Variants in TANGO6 observed in about 807,000 individuals in gnomAD.
TANGO6 encodes the protein transport and golgi organization 6 homolog.
A neutral mutation model predicts 114.2 loss-of-function variants in TANGO6; 90 were observed. The ratio of observed to expected loss-of-function variants is 0.79; its 90% confidence interval spans 0.66 to 0.94. The LOEUF is 0.94. TANGO6 is among the 40% of genes least tolerant of loss of function. The pLI is 0.00. For synonymous variants in TANGO6, 477 were observed against 509.8 expected, an observed-to-expected ratio of 0.94 and a Z score of 0.87; for missense variants, 1,274 against 1,315.3, an observed-to-expected ratio of 0.97 and a Z score of 0.49.
At chr16:69,017,681 G>T (rs1275100175) in intron 15 of TANGO6, among the ~76,000 whole-genome samples, 1 of 152,076 alleles carries the variant, frequency 6.6e-6, no homozygotes, top group Non-Finnish European at 1.5e-5. Flanking sequence ...GGGCCTGAGA[G>T]GTCATCTTGT....
intron 11 of TANGO6, among the ~76,000 whole-genome samples, 181 bp from the exon 12 acceptor site, chr16:68,918,904 G>A (rs921370305): frequency 6.6e-6 from 1 of 151,982 alleles, no homozygotes; most frequent in African/African-American, 2.4e-5. Flanking sequence ...ATAATAAACC[G>A]GTAAATGTTT....
intron 9 of TANGO6, among the ~76,000 whole-genome samples, chr16:68,902,795 C>T (rs767069415): frequency 2.0e-5 from 3 of 152,196 alleles, no homozygotes; most frequent in Admixed American, 2.0e-4. Context: ...AAAGGGCAGA[C>T]ACATGTTCAC....
intron 14 of TANGO6, among the ~76,000 whole-genome samples, chr16:68,954,674 C>T (rs1963508192): frequency 1.3e-5 from 2 of 152,170 alleles, no homozygotes; most frequent in Admixed American, 6.5e-5. Context: ...TCATAAAATG[C>T]AATGAGAATG....
At chr16:68,879,739 C>T (rs896637825) in intron 6 of TANGO6, among the ~76,000 whole-genome samples, 1 of 150,938 alleles carries the variant, frequency 6.6e-6, no homozygotes, top group Non-Finnish European at 1.5e-5. Context: ...GCCTCAGCCT[C>T]CTGAGTAGCT....
intron 15 of TANGO6, among the ~76,000 whole-genome samples, chr16:69,006,148 G>A (rs1171224833): frequency 2.0e-5 from 3 of 152,142 alleles, no homozygotes; most frequent in Non-Finnish European, 4.4e-5. Context: ...TTGGCTGGTG[G>A]TGCAGGCAGA....
intron 16 of TANGO6, among the ~76,000 whole-genome samples, chr16:69,030,906 A>G (rs1344668591): frequency 6.6e-6 from 1 of 151,628 alleles, no homozygotes; most frequent in Non-Finnish European, 1.5e-5. Context: ...AAATACAAAA[A>G]TTAGCTGGGC....
intron 5 of TANGO6, among the ~76,000 whole-genome samples, chr16:68,876,624 C>T (rs1259804170): frequency 6.6e-6 from 1 of 151,868 alleles, no homozygotes; most frequent in Non-Finnish European, 1.5e-5. Flanking sequence ...AGTTCGAGAC[C>T]AGCCTGGCCA....
intron 17 of TANGO6, among the ~76,000 whole-genome samples, chr16:69,054,329 G>A (rs1439602895): frequency 1.3e-5 from 2 of 152,186 alleles, no homozygotes; most frequent in African/African-American, 2.4e-5. Context: ...GATGCAGAGA[G>A]TAGTAGAAGA....
chr16:69,074,258 A>G (rs1485052771), intron 17 of TANGO6, among the ~76,000 whole-genome samples: 1 of 151,506 alleles, frequency 6.6e-6, no homozygotes, highest in African/African-American at 2.4e-5. Context: ...AGAAAGTACC[A>G]TTAGTGCTGT....
intron 15 of TANGO6, among the ~76,000 whole-genome samples, chr16:68,979,162 C>T (rs1342164552): frequency 2.0e-5 from 3 of 151,930 alleles, no homozygotes; most frequent in Admixed American, 1.3e-4. Flanking sequence ...CTCAAGTGAT[C>T]CTCCCACCTC....
chr16:68,977,382 A>AT (rs1237916111), intron 15 of TANGO6, among the ~76,000 whole-genome samples: 7 of 150,246 alleles, frequency 4.7e-5, no homozygotes, highest in East Asian at 3.9e-4. Context: ...TATTTATTTA[A>AT]TTTTTTTTGT....
chr16:68,930,065 A>G (rs989885514), intron 13 of TANGO6, among the ~76,000 whole-genome samples, 173 bp from the exon 14 acceptor site: 5 of 152,232 alleles, frequency 3.3e-5, no homozygotes. Context: ...AATGGTTATA[A>G]AAATGAGACT....
chr16:68,993,939 G>A (rs1210761854), intron 15 of TANGO6, among the ~76,000 whole-genome samples: 1 of 152,104 alleles, frequency 6.6e-6, no homozygotes, highest in East Asian at 1.9e-4. Context: ...ACTGTCTGGA[G>A]CACACTTTTC....
chr16:68,941,886 A>T (rs528383166), intron 14 of TANGO6, among the ~76,000 whole-genome samples: 42 of 152,274 alleles, frequency 2.8e-4, no homozygotes, highest in African/African-American at 9.6e-4. Context: ...GGGAGGCTGA[A>T]GTGGGAGGAT....
chr16:69,048,886 G>C (rs574648975), intron 17 of TANGO6, among the ~76,000 whole-genome samples: 1 of 152,158 alleles, frequency 6.6e-6, no homozygotes. Context: ...GCAGTACTAG[G>C]CTGGGGACAG....
At chr16:69,073,017 G>T (rs1960319253) in intron 17 of TANGO6, among the ~76,000 whole-genome samples, 1 of 151,410 alleles carries the variant, frequency 6.6e-6, no homozygotes, top group African/African-American at 2.4e-5. Context: ...TGGGGCACAG[G>T]AAGCCAGGAG....
intron 17 of TANGO6, among the ~76,000 whole-genome samples, chr16:69,061,986 C>T (rs1231610958): frequency 1.3e-5 from 2 of 152,094 alleles, no homozygotes; most frequent in Non-Finnish European, 2.9e-5. Flanking sequence ...TCCACTGGCA[C>T]TCCAGCCTTG....
At chr16:68,887,733 G>A (rs969445043) in intron 7 of TANGO6, among the ~76,000 whole-genome samples, 3 of 152,040 alleles carry the variant, frequency 2.0e-5, no homozygotes, top group African/African-American at 7.2e-5. Flanking sequence ...AAAAAAATTA[G>A]CCGGGCGTGG....
chr16:68,972,917 G>T (rs992104747), intron 14 of TANGO6: 3 of 277,478 alleles, frequency 1.1e-5, no homozygotes, highest in Non-Finnish European at 2.1e-5. Flanking sequence ...AAGTGAGGCC[G>T]ACTCCTCCGA....
Sources: gnomAD v4.1 joint callset for allele counts (sites outside exome capture counted in the v4.1 genomes callset) on GRCh38, gnomAD v4.1.1 for gene constraint, MANE v1.5 for transcripts, NCBI Gene and HGNC (gene_info 2026-07-23, HGNC 2026-07-21) for gene names.